ADAMTSL1: variants seen among roughly 807,000 people sequenced by gnomAD.
The protein encoded by ADAMTSL1 is ADAMTS like 1.
ADAMTSL1 carries 126 observed loss-of-function variants against 201.8 expected under a neutral mutation model. That is an observed-to-expected ratio of 0.62 (90% CI 0.54 to 0.72). ADAMTSL1 has a LOEUF of 0.72. ADAMTSL1 is among the 30% of genes least tolerant of loss of function. The pLI is 0.00. For missense variants in ADAMTSL1, 2,679 were observed against 2,277.8 expected (o/e 1.18, Z -3.59); for synonymous variants, 1,121 against 903.4 (o/e 1.24, Z -4.32).
At chr9:18,555,566 T>C (rs1470585168) in intron 3 of ADAMTSL1, among the ~76,000 whole-genome samples, 1 of 151,882 alleles carries the variant, frequency 6.6e-6, no homozygotes, top group East Asian at 1.9e-4. Context: ...TTCATTGTTT[T>C]GGAGGACACA....
chr9:18,541,736 G>T (rs1370731727), intron 3 of ADAMTSL1, among the ~76,000 whole-genome samples: 1 of 152,040 alleles, frequency 6.6e-6, no homozygotes. Context: ...TAAAAATATC[G>T]TTCTAATATA....
chr9:18,107,774 G>T (rs1824822136), intron 1 of ADAMTSL1, among the ~76,000 whole-genome samples: 1 of 152,074 alleles, frequency 6.6e-6, no homozygotes, highest in Non-Finnish European at 1.5e-5. Context: ...ATGTCAAACT[G>T]CATGCCTGAA....
chr9:18,896,719 C>T (rs1181655647), intron 26 of ADAMTSL1, among the ~76,000 whole-genome samples: 2 of 152,190 alleles, frequency 1.3e-5, no homozygotes. Flanking sequence ...CATATCTTTG[C>T]AATCAGTGGA....
intron 7 of ADAMTSL1, among the ~76,000 whole-genome samples, chr9:18,646,168 A>T (rs1827797861): frequency 6.6e-6 from 1 of 151,558 alleles, no homozygotes; most frequent in South Asian, 2.1e-4. Context: ...ATCGGAGTTC[A>T]CTCATGATTT....
At chr9:18,470,665 G>C (rs1187318219), upstream of ADAMTSL1, among the ~76,000 whole-genome samples, 1 of 152,174 alleles carries the variant, frequency 6.6e-6, no homozygotes, top group Non-Finnish European at 1.5e-5. Flanking sequence ...TCCAGAGCAA[G>C]ACTTGTAACG....
chr9:18,389,824 G>A (rs1009378433), intron 2 of ADAMTSL1, among the ~76,000 whole-genome samples: 1 of 152,132 alleles, frequency 6.6e-6, no homozygotes, highest in Non-Finnish European at 1.5e-5. Flanking sequence ...CTTATATTTA[G>A]TGGTTTTTAA....
intron 1 of ADAMTSL1, among the ~76,000 whole-genome samples, chr9:18,038,078 T>C (rs930519893): frequency 1.1e-4 from 16 of 152,212 alleles, no homozygotes; most frequent in Non-Finnish European, 2.2e-4. Flanking sequence ...ACCAACAAGA[T>C]GCAGTATCCA....
intron 2 of ADAMTSL1, among the ~76,000 whole-genome samples, chr9:18,274,910 C>G (rs1037927215): frequency 1.7e-4 from 26 of 152,312 alleles, no homozygotes; most frequent in East Asian, 1.9e-4. Context: ...AAAGTTGGCA[C>G]AGAAAATTTC....
chr9:18,521,241 G>A (rs1032246598), intron 2 of ADAMTSL1, among the ~76,000 whole-genome samples: 1 of 152,038 alleles, frequency 6.6e-6, no homozygotes, highest in Non-Finnish European at 1.5e-5. Flanking sequence ...GAGGTACAGG[G>A]TTATCTGGAA....
At chr9:18,224,662 C>T (rs10756949) in intron 2 of ADAMTSL1, among the ~76,000 whole-genome samples, 50,104 of 151,942 alleles carry the variant, frequency 0.33, 8,652 homozygotes, top group East Asian at 0.46. Flanking sequence ...CTATGGATCC[C>T]CTAAAGTGTT....
At position 18,802,742 on chromosome 9, in the gene ADAMTSL1, G is replaced by C. The variant is rs113721566; in HGVS notation, c.3805+7218G>C. ...TACACACCTAGGAGTGAAATTTCTGGGTTGTTTGGCGCATTTATGTTTACT... is the reference window on the plus strand; with the variant it reads ...TACACACCTAGGAGTGAAATTTCTGCGTTGTTTGGCGCATTTATGTTTACT... On this transcript the variant is annotated intron_variant, in intron 20 of 28. Transcript: ENST00000380548. Among the ~76,000 whole-genome samples, 75 of 152,168 alleles carry C rather than the reference G, an allele frequency of 4.9e-4. 1 individual carries two copies. The highest frequency in any genetic ancestry group is 1.8e-3 in the African/African-American group (73 of 41,534).
At chr9:18,094,170 A>G (rs899724866) in intron 1 of ADAMTSL1, among the ~76,000 whole-genome samples, 3 of 152,228 alleles carry the variant, frequency 2.0e-5, no homozygotes, top group Non-Finnish European at 4.4e-5. Flanking sequence ...GCCACTCACC[A>G]TGATGTAAAA....
intron 4 of ADAMTSL1, among the ~76,000 whole-genome samples, chr9:18,576,933 C>G (rs1438567512): frequency 6.6e-6 from 1 of 151,870 alleles, no homozygotes; most frequent in Non-Finnish European, 1.5e-5. Flanking sequence ...CCCAGAGACT[C>G]CCAGCTCTGT....
At chr9:17,988,338 A>C (rs540851800) in intron 1 of ADAMTSL1, among the ~76,000 whole-genome samples, 2 of 152,150 alleles carry the variant, frequency 1.3e-5, no homozygotes, top group Non-Finnish European at 2.9e-5. Context: ...CAAATTTAAC[A>C]TTGGGTTTCA....
At chr9:18,070,546 C>A (rs1034642155) in intron 1 of ADAMTSL1, among the ~76,000 whole-genome samples, 1 of 152,024 alleles carries the variant, frequency 6.6e-6, no homozygotes, top group Non-Finnish European at 1.5e-5. Flanking sequence ...TTTGAGGAAG[C>A]GTTTTGCACA....
chr9:18,778,054 CTT>C, intron 19 of ADAMTSL1, 148 bp downstream of exon 19: 1 of 921,582 alleles, frequency 1.1e-6, no homozygotes, highest in Non-Finnish European at 1.6e-6. Flanking sequence ...CAGGCCCTCT[CTT>C]AGCACTGATA....
At chr9:18,789,422 G>C (rs1350813981) in intron 19 of ADAMTSL1, among the ~76,000 whole-genome samples, 1 of 152,172 alleles carries the variant, frequency 6.6e-6, no homozygotes, top group Non-Finnish European at 1.5e-5. Context: ...GCGGGGATTT[G>C]ATCCCATCAT....
At chr9:18,465,432 A>G (rs1820966000) in intron 2 of ADAMTSL1, among the ~76,000 whole-genome samples, 1 of 152,232 alleles carries the variant, frequency 6.6e-6, no homozygotes, top group African/African-American at 2.4e-5. Context: ...TTTCTGGTGC[A>G]TAATATCCAC....
At chr9:17,985,959 C>G (rs151165495) in intron 1 of ADAMTSL1, among the ~76,000 whole-genome samples, 4 of 152,202 alleles carry the variant, frequency 2.6e-5, no homozygotes, top group East Asian at 1.9e-4. Context: ...TCCTCTAACA[C>G]TAATTAAGAC....
Sources: allele counts gnomAD v4.1 joint callset (sites outside exome capture counted in the v4.1 genomes callset), GRCh38; gene constraint gnomAD v4.1.1; transcripts MANE v1.5; gene names NCBI Gene and HGNC (gene_info 2026-07-23, HGNC 2026-07-21).